SNAP47: variants seen among roughly 807,000 people sequenced by gnomAD.
The protein encoded by SNAP47 is synaptosomal-associated protein 47.
In SNAP47, 20 loss-of-function variants were observed where a neutral mutation model predicts 31.4. The observed-to-expected ratio is 0.64, with a 90% CI of 0.45 to 0.93. SNAP47 has a LOEUF of 0.93. Among genes scored for constraint, SNAP47 ranks in the 40% least tolerant of loss-of-function variants. The probability of loss-of-function intolerance (pLI) is 0.00; values close to 1 mark genes in which losing one functional copy is unlikely to be tolerated. For missense variants in SNAP47, 492 were observed against 528.5 expected (o/e 0.93, Z 0.68); for synonymous variants, 194 against 213.4 (o/e 0.91, Z 0.79).
chr1:227,734,216 G>A, upstream of SNAP47: 5 of 639,870 alleles, frequency 7.8e-6, no homozygotes, highest in South Asian at 4.0e-5. Flanking sequence ...GGGGCAGTCT[G>A]ACTACAATGG....
chr1:227,767,034 A>G lies in SNAP47; in HGVS notation c.1064A>G (p.Gln355Arg). Residue 355 changes from glutamine (Q) to arginine (R), a missense_variant, in exon 4 of 5, where the codon CAG becomes CGG. Gln to Arg is a conservative substitution (Grantham distance 43). Transcript: ENST00000617596. ...GDQEGTALHL[Q>R]TSLPALSEAD... The stretch of plus-strand genomic sequence containing the variant: ...CAGGAGGGCACAGCACTGCACCTGC[A>G]GACAAGCCTGCCAGCCCTTTCTGAG... 1 of 1,614,056 alleles carries G rather than the reference A, an allele frequency of 6.2e-7. No homozygotes were observed. Among genetic ancestry groups the G allele is most frequent in the Non-Finnish European group, 8.5e-7 (1 of 1,180,030 alleles).
At chr1:227,775,877 C>G in intron 4 of SNAP47, 1 of 1,303,734 alleles carries the variant, frequency 7.7e-7, no homozygotes, top group Non-Finnish European at 1.0e-6. Flanking sequence ...CAGAGACTTT[C>G]CTAGCAGGGC....
intron 3 of SNAP47, among the ~76,000 whole-genome samples, chr1:227,766,591 G>T (rs1663416429): frequency 6.6e-6 from 1 of 152,274 alleles, no homozygotes; most frequent in Non-Finnish European, 1.5e-5. Context: ...CTTCTGCAGA[G>T]TAGCTCAGAT....
At chr1:227,735,202 G>A, upstream of SNAP47, 1 of 1,581,830 alleles carries the variant, frequency 6.3e-7, no homozygotes, top group South Asian at 1.1e-5. Context: ...CCGGAGCCTG[G>A]CCGACGCCGG....
chr1:227,773,062 G>T (rs1663924918), intron 4 of SNAP47, among the ~76,000 whole-genome samples: 1 of 151,822 alleles, frequency 6.6e-6, no homozygotes, highest in Non-Finnish European at 1.5e-5. Context: ...CCAGGCTCAG[G>T]TGATTCTCCC....
rs34140624 is a variant in SNAP47, at chr1:227,773,127, A to ATTTTT, written c.1113+6064_1113+6068dup. Among the ~76,000 whole-genome samples, 87 of 102,386 alleles carry ATTTTT rather than the reference A, an allele frequency of 8.5e-4. 1 individual carries two copies. Among genetic ancestry groups the ATTTTT allele is most frequent in the East Asian group, 1.5e-3 (5 of 3,288 alleles). 67.2% of individuals were successfully genotyped at this position (102,386 alleles called of 152,430 possible). The stretch of plus-strand genomic sequence containing the variant: ...AGGTGTGCACCACCACGTCCAGCTA[A>ATTTTT]TTTTTTTTTTTTTTTTTTTTTTTTG... On this transcript the variant is annotated intron_variant, in intron 4 of 4. Transcript: ENST00000617596.
upstream of SNAP47, chr1:227,735,301 C>G: frequency 6.2e-7 from 1 of 1,604,768 alleles, no homozygotes; most frequent in Non-Finnish European, 8.5e-7. Context: ...GAAGGACCCT[C>G]CTCCTCACTT....
intron 2 of SNAP47, among the ~76,000 whole-genome samples, chr1:227,757,589 T>C (rs1662775133): frequency 6.6e-6 from 1 of 152,210 alleles, no homozygotes; most frequent in Non-Finnish European, 1.5e-5. Flanking sequence ...TGAGGTCATA[T>C]AATGTCTTCC....
chr1:227,728,965 G>C (rs766344784), intron 1 of SNAP47, among the ~76,000 whole-genome samples: 67 of 152,304 alleles, frequency 4.4e-4, no homozygotes, highest in Admixed American at 2.7e-3. Context: ...AGGCTGCAGA[G>C]GAAGGCCAGG....
upstream of SNAP47, chr1:227,734,555 C>G: frequency 8.6e-7 from 1 of 1,168,492 alleles, no homozygotes. Flanking sequence ...AAAAATAGCT[C>G]CGTTGTGCAC....
At position 227,735,502 on chromosome 1, in the gene SNAP47, G is replaced by A; in HGVS notation, c.-46+3G>A. The A allele has an allele frequency of 7.1e-7, 1 of 1,404,412 alleles. No homozygotes were observed. The highest frequency in any genetic ancestry group is 9.2e-7 in the Non-Finnish European group (1 of 1,088,384). The allele number at this position is 1,404,412 out of a possible 1,614,324, so 87.0% of individuals were successfully genotyped here. Reference sequence around the variant, plus strand: ...GGGACTCGTCTGGCGTCCCTCAGGTGAGCGACGGTGTTGGTCTGTTGGGCG... The same window carrying A: ...GGGACTCGTCTGGCGTCCCTCAGGTAAGCGACGGTGTTGGTCTGTTGGGCG... On this transcript the variant is annotated splice_donor_region_variant and intron_variant, in intron 1 of 4. Transcript: ENST00000617596.
rs1558207475 is a variant in SNAP47 at position 227,762,934 on chromosome 1, C to T, written c.988+3449C>T. Among the ~76,000 whole-genome samples the T allele has an allele frequency of 6.6e-6, 1 of 152,148 alleles. No individual in the cohort carries two copies. The highest frequency in any genetic ancestry group is 1.5e-5 in the Non-Finnish European group (1 of 68,026). Reference sequence around the variant, plus strand: ...CCCACACATCCTACCAAGGGACATGCACAGTATTTTCTTTTTCTTTTTATT... The same window carrying T: ...CCCACACATCCTACCAAGGGACATGTACAGTATTTTCTTTTTCTTTTTATT... On this transcript the variant is annotated intron_variant, in intron 3 of 4. Coordinates refer to ENST00000617596, the MANE Select transcript of SNAP47 (RefSeq NM_053052.4). This position sits in a 1 kb window ranked among gnomAD's most constrained non-coding sequence, Gnocchi z 4.2.
chr1:227,736,693 T>G (rs868836551), intron 1 of SNAP47, among the ~76,000 whole-genome samples: 2,442 of 145,632 alleles, frequency 0.017, 74 homozygotes, highest in African/African-American at 0.057. Flanking sequence ...TTTGTTTTTT[T>G]TTTTTTTTTT....
In SNAP47 at chr1:227,741,760, A is replaced by T. The variant is rs576106985; in HGVS notation, c.-45-5932A>T. ...CTGGCCGGCGTGGGGGCCGTGTTCAAGATTGGGCTGCTTCTGATGTTCCAT... is the reference window on the plus strand; with the variant it reads ...CTGGCCGGCGTGGGGGCCGTGTTCATGATTGGGCTGCTTCTGATGTTCCAT... On this transcript the variant is annotated intron_variant, in intron 1 of 4. Transcript: ENST00000617596. The surrounding 1 kb of genome is among the most constrained non-coding windows in gnomAD (Gnocchi z 4.2). 1.6e-4 allele frequency among the ~76,000 whole-genome samples: 24 copies of T among 151,850 alleles called. No homozygotes were observed. The highest frequency in any genetic ancestry group is 1.3e-4 in the Admixed American group (2 of 15,260).
chr1:227,750,160 G>A (rs1662255212), intron 2 of SNAP47, among the ~76,000 whole-genome samples: 1 of 152,260 alleles, frequency 6.6e-6, no homozygotes. Flanking sequence ...CTGGCACAAG[G>A]CCGGAGCCGG....
intron 3 of SNAP47, among the ~76,000 whole-genome samples, chr1:227,764,888 A>C (rs1290957390): frequency 6.6e-6 from 1 of 152,012 alleles, no homozygotes; most frequent in Non-Finnish European, 1.5e-5. Context: ...TGGGCGACAG[A>C]GCAAGACTCT....
intron 4 of SNAP47, among the ~76,000 whole-genome samples, chr1:227,779,438 C>G (rs1664338442): frequency 6.6e-6 from 1 of 152,110 alleles, no homozygotes; most frequent in Non-Finnish European, 1.5e-5. Context: ...AGTGCTGTTC[C>G]TAGAGGCAAC....
intron 4 of SNAP47, chr1:227,768,224 G>C (rs1420354556): frequency 1.0e-6 from 1 of 967,754 alleles, no homozygotes; most frequent in Non-Finnish European, 1.2e-6. Context: ...TCCAGGTGCA[G>C]CTTCCGTCTC....
upstream of SNAP47, chr1:227,733,582 G>C: frequency 6.2e-7 from 1 of 1,607,470 alleles, no homozygotes; most frequent in South Asian, 1.1e-5. Flanking sequence ...GGTCCCGCAG[G>C]GCCTCTTCCT....
Sources: gnomAD v4.1 joint callset for allele counts (sites outside exome capture counted in the v4.1 genomes callset) on GRCh38, gnomAD v4.1.1 for gene constraint, Gnocchi (gnomAD v3.1) non-coding constraint, MANE v1.5 for transcripts, NCBI Gene and HGNC (gene_info 2026-07-23, HGNC 2026-07-21) for gene names.